Variants in PCDH9 observed in about 807,000 individuals in gnomAD.
The protein encoded by PCDH9 is protocadherin-9.
A neutral mutation model predicts 70.6 loss-of-function variants in PCDH9; 24 were observed. The ratio of observed to expected loss-of-function variants is 0.34; its 90% CI spans 0.25 to 0.48. PCDH9 has a LOEUF of 0.48. PCDH9 is among the 20% of genes least tolerant of loss of function. The pLI is 0.99. For missense variants in PCDH9, 1,281 were observed against 1,503.6 expected, an observed-to-expected ratio of 0.85 and a Z score of 2.45; for synonymous variants, 562 against 558.5, an observed-to-expected ratio of 1.01 and a Z score of -0.09.
At chr13:66,850,677 T>C (rs2081301449) in intron 3 of PCDH9, among the ~76,000 whole-genome samples, 2 of 152,354 alleles carry the variant, frequency 1.3e-5, no homozygotes, top group Middle Eastern at 6.8e-3. Context: ...ATTTCTTCCC[T>C]TGATGTGAAA....
chr13:66,984,732 C>T (rs1237979299), intron 2 of PCDH9, among the ~76,000 whole-genome samples: 1 of 152,104 alleles, frequency 6.6e-6, no homozygotes, highest in Non-Finnish European at 1.5e-5. Context: ...TTACTATCAA[C>T]ATGATTCCAT....
chr13:66,906,596 C>T (rs1318576407), intron 2 of PCDH9, among the ~76,000 whole-genome samples: 4 of 152,138 alleles, frequency 2.6e-5, no homozygotes, highest in Admixed American at 2.6e-4. Flanking sequence ...CAAGCCTCTC[C>T]TGTGTTTCAT....
chr13:66,776,241 C>G (rs2079890557), intron 3 of PCDH9, among the ~76,000 whole-genome samples: 1 of 151,038 alleles, frequency 6.6e-6, no homozygotes, highest in Non-Finnish European at 1.5e-5. Context: ...CCCTCTCTCA[C>G]CGCTCCTATT....
At chr13:66,444,405 G>A (rs1958032473) in intron 4 of PCDH9, among the ~76,000 whole-genome samples, 1 of 152,060 alleles carries the variant, frequency 6.6e-6, no homozygotes, top group East Asian at 1.9e-4. Flanking sequence ...TTTACATAGT[G>A]TAGCTCAGAG....
chr13:66,550,312 C>T (rs1472837618), intron 4 of PCDH9, among the ~76,000 whole-genome samples: 1 of 151,908 alleles, frequency 6.6e-6, no homozygotes, highest in Non-Finnish European at 1.5e-5. Context: ...GTATTTATAT[C>T]AAAAATTATA....
chr13:67,066,058 C>T (rs1268036756), intron 2 of PCDH9, among the ~76,000 whole-genome samples: 1 of 152,048 alleles, frequency 6.6e-6, no homozygotes, highest in Non-Finnish European at 1.5e-5. Context: ...TCACTAAACA[C>T]CCCTACCTTA....
Position 67,226,616 on chromosome 13 carries a change from G to C in PCDH9, c.1825C>G (p.Leu609Val). ...ADAGENKAVT[L>V]SILNDNDNFV... ...TTATCATTGTCATTTAGAATGGAAA[G>C]AGTCACAGCTTTATTCTCTCCAGCA... Residue 609 changes from leucine (L) to valine (V), a missense_variant, in exon 2 of 5, where the codon CTT (leucine) becomes GTT (valine). Physicochemically the swap from Leu to Val is conservative, Grantham distance 32. Around this residue, in one of 4 missense-constraint regions of PCDH9, gnomAD observed 798 missense variants for 1,003.1 expected, o/e 0.80. Coordinates refer to ENST00000377865, the MANE Select transcript of PCDH9 (RefSeq NM_203487.3). The surrounding 1 kb of genome is among the most constrained non-coding windows in gnomAD (Gnocchi z 5.0). 1.2e-6 allele frequency: 2 copies of C among 1,614,078 alleles called. No homozygotes were observed. Among genetic ancestry groups the C allele is most frequent in the Non-Finnish European group, 1.7e-6 (2 of 1,179,932 alleles).
chr13:66,855,018 TG>T (rs2081371624), intron 3 of PCDH9, among the ~76,000 whole-genome samples: 1 of 152,134 alleles, frequency 6.6e-6, no homozygotes, highest in African/African-American at 2.4e-5. Context: ...TAACAAGACC[TG>T]AATGCATTCC....
intron 3 of PCDH9, among the ~76,000 whole-genome samples, chr13:66,779,984 A>G (rs950219811): frequency 6.6e-6 from 1 of 151,272 alleles, no homozygotes; most frequent in Non-Finnish European, 1.5e-5. Flanking sequence ...AGGTCAAAGG[A>G]TATAAAGTAG....
At chr13:66,424,915 A>G (rs570353109) in intron 4 of PCDH9, among the ~76,000 whole-genome samples, 1 of 152,028 alleles carries the variant, frequency 6.6e-6, no homozygotes, top group African/African-American at 2.4e-5. Context: ...CTAAAGAAAT[A>G]GTTAACTGGG....
intron 4 of PCDH9, among the ~76,000 whole-genome samples, chr13:66,486,761 C>G (rs1342632290): frequency 1.3e-5 from 2 of 152,042 alleles, no homozygotes; most frequent in Admixed American, 1.3e-4. Context: ...GTTAACCACA[C>G]TGTATGTTTT....
chr13:66,430,454 G>A (rs1174094545), intron 4 of PCDH9, among the ~76,000 whole-genome samples: 2 of 152,062 alleles, frequency 1.3e-5, no homozygotes, highest in Non-Finnish European at 2.9e-5. Context: ...TAGTCTGTAA[G>A]GGAGAGTGAA....
intron 3 of PCDH9, among the ~76,000 whole-genome samples, chr13:66,762,000 T>C (rs1396896950): frequency 6.6e-6 from 1 of 152,042 alleles, no homozygotes; most frequent in Non-Finnish European, 1.5e-5. Flanking sequence ...TTCCAGTATT[T>C]GCAGTATGGA....
intron 2 of PCDH9, among the ~76,000 whole-genome samples, chr13:66,952,288 T>G (rs1434707385): frequency 1.3e-5 from 2 of 152,168 alleles, no homozygotes; most frequent in Non-Finnish European, 2.9e-5. Flanking sequence ...TTCAACCTCC[T>G]GCATCTACAG....
intron 3 of PCDH9, among the ~76,000 whole-genome samples, chr13:66,755,787 C>T (rs575732777): frequency 1.3e-5 from 2 of 151,972 alleles, no homozygotes; most frequent in African/African-American, 4.8e-5. Flanking sequence ...CAAGGATGAA[C>T]AAAACAATGG....
At chr13:66,674,611 G>T (rs189415536) in intron 3 of PCDH9, among the ~76,000 whole-genome samples, 1 of 151,920 alleles carries the variant, frequency 6.6e-6, no homozygotes, top group Non-Finnish European at 1.5e-5. Flanking sequence ...TCACTAAATG[G>T]GAGGTCCGTC....
intron 2 of PCDH9, among the ~76,000 whole-genome samples, chr13:67,133,500 T>C (rs7985006): frequency 0.23 from 35,324 of 152,068 alleles, 4,212 homozygotes; most frequent in Middle Eastern, 0.28. Context: ...TAATATAGGA[T>C]GCTTTACTGT....
chr13:66,419,750 G>C (rs1471129002), intron 4 of PCDH9, among the ~76,000 whole-genome samples: 1 of 149,102 alleles, frequency 6.7e-6, no homozygotes, highest in African/African-American at 2.5e-5. Flanking sequence ...CACTGAGCTA[G>C]CTAGCTGCAG....
At chr13:66,888,677 G>T (rs1594211276) in intron 3 of PCDH9, among the ~76,000 whole-genome samples, 2 of 151,968 alleles carry the variant, frequency 1.3e-5, no homozygotes, top group East Asian at 3.9e-4. Context: ...CTGAGGCAAA[G>T]GGCAGAAAAG....
Sources: gnomAD v4.1 joint callset for allele counts (sites outside exome capture counted in the v4.1 genomes callset) on GRCh38, gnomAD v4.1.1 for gene constraint, gnomAD v4.1.1 regional missense constraint, Gnocchi (gnomAD v3.1) non-coding constraint, MANE v1.5 for transcripts, NCBI Gene and HGNC (gene_info 2026-07-23, HGNC 2026-07-21) for gene names.